STXBP5L: variants seen among roughly 807,000 people sequenced by gnomAD.
STXBP5L encodes syntaxin-binding protein 5-like.
A neutral mutation model predicts 144.5 loss-of-function variants in STXBP5L; 65 were observed. That is an observed-to-expected ratio of 0.45 (90% CI 0.37 to 0.55). The LOEUF is 0.55. Ranked by LOEUF, STXBP5L falls within the 20% of genes least tolerant of loss-of-function variation. STXBP5L has a pLI of 0.00. For missense variants in STXBP5L, 1,298 were observed against 1,405.5 expected, an observed-to-expected ratio of 0.92 and a Z score of 1.22; for synonymous variants, 505 against 469.6, an observed-to-expected ratio of 1.08 and a Z score of -0.97.
intron 2 of STXBP5L, among the ~76,000 whole-genome samples, chr3:120,914,464 A>G (rs1387503240): frequency 2.6e-5 from 4 of 152,076 alleles, no homozygotes. Context: ...AGATCGTACC[A>G]GGTAAATAGG....
chr3:121,013,353 T>C (rs1944917479), intron 3 of STXBP5L, among the ~76,000 whole-genome samples: 1 of 152,044 alleles, frequency 6.6e-6, no homozygotes. Context: ...CTTGCCAACA[T>C]CTGTTATTTT....
intron 3 of STXBP5L, among the ~76,000 whole-genome samples, chr3:121,027,312 A>T (rs1946019109): frequency 6.6e-6 from 1 of 152,114 alleles, no homozygotes; most frequent in Non-Finnish European, 1.5e-5. Context: ...TAGTGTAAGA[A>T]AAGGAAAAAG....
intron 3 of STXBP5L, among the ~76,000 whole-genome samples, chr3:121,030,834 G>T (rs531653552): frequency 6.6e-6 from 1 of 151,928 alleles, no homozygotes; most frequent in Non-Finnish European, 1.5e-5. Flanking sequence ...AAATTCAATG[G>T]CTTTTTAAAC....
At chr3:120,908,554 C>T (rs1174525888) in intron 1 of STXBP5L, among the ~76,000 whole-genome samples, 1 of 151,804 alleles carries the variant, frequency 6.6e-6, no homozygotes, top group African/African-American at 2.4e-5. Flanking sequence ...GCGCGAATGC[C>T]TCGGCGTGAG....
At chr3:121,069,713 A>G (rs978422129) in intron 5 of STXBP5L, among the ~76,000 whole-genome samples, 1 of 151,726 alleles carries the variant, frequency 6.6e-6, no homozygotes, top group Non-Finnish European at 1.5e-5. Context: ...TTTTTTTTCT[A>G]AAAGTTTTTA....
At chr3:121,349,455 C>T (rs371370255) in intron 20 of STXBP5L, among the ~76,000 whole-genome samples, 2 of 151,964 alleles carry the variant, frequency 1.3e-5, no homozygotes, top group East Asian at 1.9e-4. Context: ...GTGGAGAGTT[C>T]TGTAGATGTC....
rs560663922 is a variant in STXBP5L, at chr3:121,211,827, G to A, written c.956+5826G>A. 1.6e-4 allele frequency among the ~76,000 whole-genome samples: 24 copies of A among 152,032 alleles called. No individual in the cohort carries two copies. The East Asian group carries it at 3.1e-3, about 20-fold the overall frequency. On this transcript the variant is annotated intron_variant, in intron 10 of 26. Coordinates refer to ENST00000471454, the MANE Select transcript of STXBP5L (RefSeq NM_001308330.2). ...CATCTCTTGACCTCGTGATCCGACC[G>A]CCTCAGCCTCCCAAACTGCTGGGAT...
At chr3:120,916,210 T>C (rs1013951128) in intron 2 of STXBP5L, among the ~76,000 whole-genome samples, 34 of 152,312 alleles carry the variant, frequency 2.2e-4, no homozygotes, top group African/African-American at 7.2e-4. Context: ...AATATAATGG[T>C]ATATAATGAT....
At chr3:120,953,618 A>C (rs543532982) in intron 2 of STXBP5L, among the ~76,000 whole-genome samples, 1 of 151,804 alleles carries the variant, frequency 6.6e-6, no homozygotes, top group East Asian at 1.9e-4. Context: ...TATTACAGAC[A>C]TGGGCCACTG....
intron 18 of STXBP5L, among the ~76,000 whole-genome samples, chr3:121,268,594 A>G (rs1483541649): frequency 1.3e-5 from 2 of 152,204 alleles, no homozygotes; most frequent in African/African-American, 2.4e-5. Context: ...GATTATTACC[A>G]TATTATATAC....
intron 20 of STXBP5L, among the ~76,000 whole-genome samples, chr3:121,341,846 A>G (rs2044724607): frequency 7.2e-6 from 1 of 138,790 alleles, no homozygotes; most frequent in Non-Finnish European, 1.6e-5. Flanking sequence ...GAGATACTAG[A>G]GGCTGAGAAG....
At chr3:121,029,313 G>A (rs1433670397) in intron 3 of STXBP5L, among the ~76,000 whole-genome samples, 4 of 152,066 alleles carry the variant, frequency 2.6e-5, no homozygotes, top group African/African-American at 7.2e-5. Context: ...AAACAGCATG[G>A]TACTGGTAAC....
At chr3:121,055,393 A>G (rs1332724153) in intron 5 of STXBP5L, among the ~76,000 whole-genome samples, 3 of 152,284 alleles carry the variant, frequency 2.0e-5, no homozygotes, top group African/African-American at 7.2e-5. Context: ...ATAAATTTAT[A>G]CTATAAATTT....
rs143750376 is a variant in STXBP5L, at chr3:121,044,061, A to T, written c.370-1374A>T. On this transcript the variant is annotated intron_variant, in intron 4 of 26. Coordinates refer to ENST00000471454, the MANE Select transcript of STXBP5L (RefSeq NM_001308330.2). ...GTATACAAATAAAACAGGCAAACAA[A>T]CACAAAAATTATCAAGGCTTATATA... Among the ~76,000 whole-genome samples, 44 of 152,292 alleles carry T rather than the reference A, an allele frequency of 2.9e-4. 1 individual carries two copies. The East Asian group carries it at 5.0e-3, about 17-fold the overall frequency.
chr3:121,093,806 T>C (rs945118509), intron 5 of STXBP5L, among the ~76,000 whole-genome samples: 8 of 152,340 alleles, frequency 5.3e-5, no homozygotes, highest in African/African-American at 1.9e-4. Context: ...TTTCTTGCCT[T>C]CTGCTAGCTT....
At chr3:121,157,663 C>A (rs1377877895) in intron 9 of STXBP5L, 36 bp downstream of exon 9, 1 of 1,573,078 alleles carries the variant, frequency 6.4e-7, no homozygotes, top group Non-Finnish European at 8.6e-7. Flanking sequence ...TAAACACTGG[C>A]AATTCAGTGC....
intron 5 of STXBP5L, among the ~76,000 whole-genome samples, chr3:121,054,422 G>A (rs951397439): frequency 6.6e-6 from 1 of 151,972 alleles, no homozygotes; most frequent in Non-Finnish European, 1.5e-5. Context: ...TAAAAAGGAT[G>A]AGTTCATGTC....
intron 19 of STXBP5L, among the ~76,000 whole-genome samples, chr3:121,298,908 G>A (rs1024812722): frequency 5.3e-5 from 8 of 152,178 alleles, no homozygotes; most frequent in African/African-American, 1.9e-4. Context: ...TAGATTTCAT[G>A]TTGTGTGTTT....
chr3:121,092,889 T>C (rs1214043598), intron 5 of STXBP5L, among the ~76,000 whole-genome samples: 1 of 152,236 alleles, frequency 6.6e-6, no homozygotes, highest in Non-Finnish European at 1.5e-5. Flanking sequence ...GCCCATTCAG[T>C]ATGATATTGG....
Sources: allele counts gnomAD v4.1 joint callset (sites outside exome capture counted in the v4.1 genomes callset), GRCh38; gene constraint gnomAD v4.1.1; transcripts MANE v1.5; gene names NCBI Gene and HGNC (gene_info 2026-07-23, HGNC 2026-07-21).